TBL1XR1: variants seen among roughly 807,000 people sequenced by gnomAD.
The protein encoded by TBL1XR1 is TBL1X/Y related 1.
A neutral mutation model predicts 66.9 loss-of-function variants in TBL1XR1; 5 were observed. The ratio of observed to expected loss-of-function variants is 0.07; its 90% CI spans 0.04 to 0.16. The LOEUF is 0.16. TBL1XR1 is among the 10% of genes least tolerant of loss of function. The pLI is 1.00. For synonymous variants in TBL1XR1, 210 were observed against 206.0 expected (o/e 1.02, Z -0.17); for missense variants, 238 against 623.2 (o/e 0.38, Z 6.58).
chr3:177,042,233 T>G (rs1229393387), intron 10 of TBL1XR1, among the ~76,000 whole-genome samples: 1 of 151,990 alleles, frequency 6.6e-6, no homozygotes. Flanking sequence ...TGTTAACAAG[T>G]GCAAAAAAAT....
chr3:177,165,759 C>A (rs977691731), intron 1 of TBL1XR1, among the ~76,000 whole-genome samples: 4 of 152,110 alleles, frequency 2.6e-5, no homozygotes, highest in African/African-American at 7.2e-5. Flanking sequence ...ATGCAAAAAA[C>A]CAGTCTAGAC....
At chr3:177,041,582 C>T (rs1189429165) in intron 10 of TBL1XR1, among the ~76,000 whole-genome samples, 1 of 152,196 alleles carries the variant, frequency 6.6e-6, no homozygotes, top group African/African-American at 2.4e-5. Context: ...AAAATATGTG[C>T]CAACTTTATC....
intron 1 of TBL1XR1, among the ~76,000 whole-genome samples, chr3:177,104,079 G>A (rs1724561939): frequency 6.8e-6 from 1 of 147,536 alleles, no homozygotes; most frequent in African/African-American, 2.5e-5. Context: ...TCACATCACT[G>A]CATTCCAGCC....
In TBL1XR1 at chr3:177,120,668, T is replaced by C. The variant is rs906458616; in HGVS notation, c.-121-22127A>G. The C allele has an allele frequency of 2.0e-5, 3 of 152,328 alleles. No homozygotes were observed. The South Asian group carries it at 6.2e-4, about 32-fold the overall frequency. The allele number at this position is 152,328 out of a possible 1,614,324, so 9.4% of individuals were successfully genotyped here. A position where few individuals can be genotyped will look rare whatever the true frequency, so the allele number is the denominator to read the frequency against. ...AGCTTTAACTCACTGATTTTCCTCT[T>C]TCCCAAATTTACTTTTTTTATTTTT... On this transcript the variant is annotated intron_variant, in intron 1 of 15. Coordinates refer to ENST00000457928, the MANE Select transcript of TBL1XR1 (RefSeq NM_024665.7).
At chr3:177,081,765 T>C (rs1468854739) in intron 2 of TBL1XR1, among the ~76,000 whole-genome samples, 3 of 151,588 alleles carry the variant, frequency 2.0e-5, no homozygotes, top group Admixed American at 1.3e-4. Flanking sequence ...AAAAAAGATA[T>C]TTAATAATGA....
intron 10 of TBL1XR1, chr3:177,045,030 A>T (rs1716135654): frequency 6.6e-6 from 1 of 152,182 alleles, no homozygotes; most frequent in African/African-American, 2.4e-5. Flanking sequence ...GGTGAGCTTT[A>T]ATCAAGTTGA....
At chr3:177,159,153 G>C (rs112489904) in intron 1 of TBL1XR1, among the ~76,000 whole-genome samples, 35 of 150,756 alleles carry the variant, frequency 2.3e-4, no homozygotes, top group African/African-American at 7.8e-4. Flanking sequence ...TTTCTCAATG[G>C]GTAAAAAAAA....
At chr3:177,177,845 C>A (rs1162263500) in intron 1 of TBL1XR1, among the ~76,000 whole-genome samples, 2 of 151,964 alleles carry the variant, frequency 1.3e-5, no homozygotes. Context: ...CCTCCCTGTT[C>A]TCATGCAGTT....
intron 1 of TBL1XR1, among the ~76,000 whole-genome samples, chr3:177,173,079 C>G (rs1405852546): frequency 6.6e-6 from 1 of 152,092 alleles, no homozygotes; most frequent in African/African-American, 2.4e-5. Context: ...CCCAGCTACT[C>G]CGCAGTCTGA....
chr3:177,145,226 G>A (rs1299076254), intron 1 of TBL1XR1, among the ~76,000 whole-genome samples: 2 of 152,158 alleles, frequency 1.3e-5, no homozygotes, highest in Non-Finnish European at 2.9e-5. Context: ...AACTACAACC[G>A]GAGGCAAATC....
intron 1 of TBL1XR1, among the ~76,000 whole-genome samples, chr3:177,148,664 G>A (rs1417084065): frequency 6.7e-6 from 1 of 149,754 alleles, no homozygotes; most frequent in Admixed American, 6.6e-5. Context: ...GCAGTGAGCC[G>A]AGATCACACT....
At chr3:177,068,838 T>G (rs1029388353) in intron 2 of TBL1XR1, among the ~76,000 whole-genome samples, 1 of 152,238 alleles carries the variant, frequency 6.6e-6, no homozygotes, top group Non-Finnish European at 1.5e-5. Context: ...ATTATCTTCT[T>G]AAATCTCCTA....
At chr3:177,035,339 G>C (rs776648918) in intron 12 of TBL1XR1, among the ~76,000 whole-genome samples, 18 of 151,120 alleles carry the variant, frequency 1.2e-4, no homozygotes, top group Non-Finnish European at 2.5e-4. Flanking sequence ...GATTGTTAGA[G>C]TTTCTAAGAC....
chr3:177,136,884 G>A (rs1192754195), intron 1 of TBL1XR1, among the ~76,000 whole-genome samples: 1 of 152,120 alleles, frequency 6.6e-6, no homozygotes, highest in African/African-American at 2.4e-5. Flanking sequence ...CTTCACTAAA[G>A]ACAATTACTC....
intron 1 of TBL1XR1, among the ~76,000 whole-genome samples, chr3:177,147,900 T>G (rs12489569): frequency 0.43 from 65,794 of 152,010 alleles, 15,239 homozygotes; most frequent in Non-Finnish European, 0.52. Flanking sequence ...AAGCAACAAT[T>G]AACTCTTGAG....
chr3:177,200,277 G>C (rs1737314904), upstream of TBL1XR1, among the ~76,000 whole-genome samples: 3 of 152,094 alleles, frequency 2.0e-5, no homozygotes, highest in African/African-American at 7.2e-5. Flanking sequence ...CGGCAGCCTG[G>C]AGTGTTTTTA....
At chr3:177,095,623 G>A (rs1474449375) in intron 2 of TBL1XR1, among the ~76,000 whole-genome samples, 1 of 151,908 alleles carries the variant, frequency 6.6e-6, no homozygotes, top group African/African-American at 2.4e-5. Context: ...GAGATTACAG[G>A]TGTGCGCCAC....
intron 2 of TBL1XR1, among the ~76,000 whole-genome samples, chr3:177,083,995 G>A (rs1721788765): frequency 6.6e-6 from 1 of 150,664 alleles, no homozygotes; most frequent in Non-Finnish European, 1.5e-5. Context: ...GGCTGAGGCA[G>A]GAGAATCATT....
intron 1 of TBL1XR1, among the ~76,000 whole-genome samples, chr3:177,151,669 G>C (rs1730905042): frequency 1.3e-5 from 2 of 152,150 alleles, no homozygotes; most frequent in Admixed American, 6.6e-5. Flanking sequence ...CTGTCCTCCA[G>C]AACACCTGAG....
Sources: gnomAD v4.1 joint callset for allele counts (sites outside exome capture counted in the v4.1 genomes callset) on GRCh38, gnomAD v4.1.1 for gene constraint, MANE v1.5 for transcripts, NCBI Gene and HGNC (gene_info 2026-07-23, HGNC 2026-07-21) for gene names.